The following CATSPERE variants were observed in gnomAD, a reference collection of about 807,000 sequenced individuals.
CATSPERE encodes the protein cation channel sperm-associated auxiliary subunit epsilon.
Under a neutral mutation model 114.1 loss-of-function variants are expected in CATSPERE, and 93 were observed. The observed-to-expected ratio is 0.81, with a 90% CI of 0.69 to 0.97. The LOEUF (loss-of-function observed/expected upper bound fraction) is 0.97. Ranked by LOEUF, CATSPERE falls within the 50% of genes least tolerant of loss-of-function variation. The probability of loss-of-function intolerance (pLI) is 0.00; values close to 1 mark genes in which losing one functional copy is unlikely to be tolerated. For synonymous variants in CATSPERE, 341 were observed against 384.1 expected, an observed-to-expected ratio of 0.89 and a Z score of 1.31; for missense variants, 1,058 against 1,131.6, an observed-to-expected ratio of 0.93 and a Z score of 0.93.
chr1:244,454,602 C>A (rs887987434), exon 1 of CATSPERE: 12 of 151,258 alleles, frequency 7.9e-5, no homozygotes, highest in African/African-American at 2.9e-4. Flanking sequence ...ATCTGGTATG[C>A]CGGCACAGAG....
At position 244,461,312 on chromosome 1, in the gene CATSPERE, G is replaced by C; in HGVS notation, c.-118G>C. ...CTGGTCTTCAGGCCCGGCCCGCCCT[G>C]TCCAGAGGCGCCGGGACCCAGGCGC... On this transcript the variant is annotated 5_prime_UTR_variant, in exon 1 of 22. Coordinates refer to ENST00000366534, the MANE Select transcript of CATSPERE (RefSeq NM_001130957.2). 1.1e-6 allele frequency: 1 copy of C among 888,056 alleles called. No individual in the cohort carries two copies. The highest frequency in any genetic ancestry group is 1.5e-6 in the Non-Finnish European group (1 of 663,446). The allele number at this position is 888,056 out of a possible 1,614,324, so 55.0% of individuals were successfully genotyped here. A position where few individuals can be genotyped will look rare whatever the true frequency, so the allele number is the denominator to read the frequency against.
At chr1:244,500,206 G>A (rs1223979306) in intron 7 of CATSPERE, among the ~76,000 whole-genome samples, 3 of 150,740 alleles carry the variant, frequency 2.0e-5, no homozygotes, top group Non-Finnish European at 4.4e-5. Flanking sequence ...TTTTTTAATT[G>A]TAAATTTGTT....
intron 8 of CATSPERE, among the ~76,000 whole-genome samples, chr1:244,521,140 G>C (rs1343642409): frequency 1.3e-5 from 2 of 152,170 alleles, no homozygotes; most frequent in Non-Finnish European, 2.9e-5. Context: ...GATTGCTTGA[G>C]GCCAGGAGTT....
At chr1:244,611,416 C>T (rs1354865665) in intron 19 of CATSPERE, among the ~76,000 whole-genome samples, 1 of 151,586 alleles carries the variant, frequency 6.6e-6, no homozygotes, top group Admixed American at 6.6e-5. Context: ...ATGGTAAGAC[C>T]CCATCTTTAC....
At chr1:244,584,245 G>A (rs1666687851) in intron 13 of CATSPERE, among the ~76,000 whole-genome samples, 1 of 152,082 alleles carries the variant, frequency 6.6e-6, no homozygotes, top group African/African-American at 2.4e-5. Flanking sequence ...AATGGGAGTT[G>A]CAAAAATAAA....
intron 13 of CATSPERE, among the ~76,000 whole-genome samples, chr1:244,588,040 C>G (rs1175550483): frequency 1.3e-5 from 2 of 151,806 alleles, no homozygotes; most frequent in South Asian, 2.1e-4. Flanking sequence ...ACTAAAAATA[C>G]AAAATTAGCT....
intron 17 of CATSPERE, among the ~76,000 whole-genome samples, chr1:244,604,763 C>A (rs537180736): frequency 6.6e-6 from 1 of 152,208 alleles, no homozygotes; most frequent in Non-Finnish European, 1.5e-5. Context: ...TGCAAAGGCA[C>A]GACTTTATCA....
At chr1:244,612,842 A>G (rs1310931504) in intron 19 of CATSPERE, among the ~76,000 whole-genome samples, 2 of 152,134 alleles carry the variant, frequency 1.3e-5, no homozygotes, top group Non-Finnish European at 2.9e-5. Context: ...TTGTTTTCTA[A>G]GTGACTGGGT....
At chr1:244,627,475 C>G (rs967631514) in intron 20 of CATSPERE, among the ~76,000 whole-genome samples, 4 of 151,862 alleles carry the variant, frequency 2.6e-5, no homozygotes, top group Non-Finnish European at 5.9e-5. Context: ...ACTCAGAAGG[C>G]TGAGAGGGAG....
In CATSPERE at chr1:244,477,065, G is replaced by A. The variant is rs377742648; in HGVS notation, c.115-476G>A. Reference sequence around the variant, plus strand: ...GGCTGGAGTACAATGACGTGATGTCGGCTCACTGCAACCTCTGCCTCCCAG... The same window carrying A: ...GGCTGGAGTACAATGACGTGATGTCAGCTCACTGCAACCTCTGCCTCCCAG... On this transcript the variant is annotated intron_variant, in intron 2 of 21. Transcript: ENST00000366534. Among the ~76,000 whole-genome samples the A allele has an allele frequency of 5.3e-5, 8 of 151,924 alleles. No homozygotes were observed. In the East Asian group the frequency reaches 5.8e-4, roughly 11 times the overall value.
intron 5 of CATSPERE, among the ~76,000 whole-genome samples, chr1:244,489,614 A>G (rs1395292282): frequency 6.6e-6 from 1 of 151,846 alleles, no homozygotes; most frequent in African/African-American, 2.4e-5. Context: ...AACTATGTGC[A>G]GGAGTGATGT....
chr1:244,489,303 T>C (rs1481782138), intron 5 of CATSPERE, among the ~76,000 whole-genome samples: 9 of 152,114 alleles, frequency 5.9e-5, no homozygotes, highest in African/African-American at 2.4e-5. Context: ...GGATTTGTCA[T>C]GCTAAAAGAC....
intron 9 of CATSPERE, among the ~76,000 whole-genome samples, chr1:244,553,620 C>CACACACACACACACATATATACAT (rs1558484914): frequency 1.1e-4 from 15 of 139,240 alleles, no homozygotes; most frequent in African/African-American, 4.5e-4. Context: ...CACACACACA[C>CACACACACACACACATATATACAT]ACACACACAC....
chr1:244,639,428 G>A (rs1391784100), intron 21 of CATSPERE, among the ~76,000 whole-genome samples: 1 of 152,230 alleles, frequency 6.6e-6, no homozygotes, highest in Non-Finnish European at 1.5e-5. Flanking sequence ...GCTCACGCCT[G>A]TAATCCCTTT....
intron 7 of CATSPERE, among the ~76,000 whole-genome samples, chr1:244,506,574 G>C (rs1288068755): frequency 2.0e-5 from 3 of 152,066 alleles, no homozygotes; most frequent in Non-Finnish European, 2.9e-5. Context: ...TTTGTCTTTG[G>C]AGGAGGGAGT....
At position 244,568,071 on chromosome 1, in the gene CATSPERE, G is replaced by A. The variant is rs6667546; in HGVS notation, c.1508-4259G>A. On this transcript the variant is annotated intron_variant, in intron 10 of 21. Coordinates refer to ENST00000366534, the MANE Select transcript of CATSPERE (RefSeq NM_001130957.2). The surrounding 1 kb of genome is among the most constrained non-coding windows in gnomAD (Gnocchi z 4.4). ...ATGTTGATGCTATTCCTTTCTGTTT[G>A]TTAGTTTTCCTTCTAACAGTCAGGC... Among the ~76,000 whole-genome samples the A allele has an allele frequency of 0.19, 28,439 of 151,888 alleles. 3,834 individuals carry two copies. The highest frequency in any genetic ancestry group is 0.41 in the East Asian group (2,087 of 5,138).
intron 7 of CATSPERE, among the ~76,000 whole-genome samples, chr1:244,511,001 A>G (rs1428825564): frequency 6.6e-6 from 1 of 150,896 alleles, no homozygotes; most frequent in Non-Finnish European, 1.5e-5. Context: ...CCACCAGCAC[A>G]CCTGGCTAAT....
intron 20 of CATSPERE, among the ~76,000 whole-genome samples, chr1:244,630,938 G>A (rs1234968244): frequency 6.6e-6 from 1 of 151,846 alleles, no homozygotes; most frequent in Non-Finnish European, 1.5e-5. Context: ...ACACTTCCTT[G>A]GTCTAACACT....
chr1:244,616,722 T>C (rs10803230), intron 19 of CATSPERE, among the ~76,000 whole-genome samples: 32,832 of 152,168 alleles, frequency 0.22, 4,112 homozygotes, highest in African/African-American at 0.35. Flanking sequence ...GACCTCACTT[T>C]CCATCTCAAC....
Sources: gnomAD v4.1 joint callset for allele counts (sites outside exome capture counted in the v4.1 genomes callset) on GRCh38, gnomAD v4.1.1 for gene constraint, Gnocchi (gnomAD v3.1) non-coding constraint, MANE v1.5 for transcripts, NCBI Gene and HGNC (gene_info 2026-07-23, HGNC 2026-07-21) for gene names.